DCAF8L2: variants seen among roughly 807,000 people sequenced by gnomAD.
DCAF8L2 encodes DDB1- and CUL4-associated factor 8-like protein 2.
For missense variants in DCAF8L2, 430 were observed against 490.7 expected (o/e 0.88, Z 1.17); for synonymous variants, 200 against 190.9 (o/e 1.05, Z -0.39).
At chrX:27,504,426 A>G in the DCAF8L2 span, among the ~76,000 whole-genome samples, 1 of 111,834 alleles carries the variant, frequency 8.9e-6, no homozygotes, top group Non-Finnish European at 1.9e-5. Context: ...GTTATTCATG[A>G]ATATGCCTGA....
chrX:27,546,116 A>T, the DCAF8L2 span, among the ~76,000 whole-genome samples: 5 of 112,251 alleles, frequency 4.5e-5, no homozygotes, highest in African/African-American at 1.3e-4. Flanking sequence ...ATGTGGATGC[A>T]GGCATTCTGG....
chrX:27,506,646 G>C, the DCAF8L2 span, among the ~76,000 whole-genome samples: 1 of 110,590 alleles, frequency 9.0e-6, no homozygotes, highest in East Asian at 2.8e-4. Context: ...TCTGTCTTCA[G>C]TTGGCATTCT....
chrX:27,492,940 A>G, the DCAF8L2 span, among the ~76,000 whole-genome samples: 4 of 112,199 alleles, frequency 3.6e-5, no homozygotes, highest in African/African-American at 9.7e-5. Context: ...TTAGTCTAAA[A>G]TAACATTTAG....
rs193037360 is a variant in DCAF8L2, at chrX:27,657,091, G to A, written c.-219-20745G>A. On this transcript the variant is annotated intron_variant, in intron 2 of 4. Coordinates refer to ENST00000451261, the MANE Select transcript of DCAF8L2 (RefSeq NM_001353450.2). Reference sequence around the variant, plus strand: ...AAAAGAGAGAGTTCTTCAGTTTTGGGACTCAGACTGGCTCTCCTTGCTCCT... The same window carrying A: ...AAAAGAGAGAGTTCTTCAGTTTTGGAACTCAGACTGGCTCTCCTTGCTCCT... Among the ~76,000 whole-genome samples the A allele has an allele frequency of 2.7e-5, 3 of 110,875 alleles. No homozygotes were observed. The Admixed American group carries it at 2.9e-4, about 11-fold the overall frequency.
chrX:27,678,824 A>G (rs1005427526), intron 3 of DCAF8L2, among the ~76,000 whole-genome samples: 1 of 111,898 alleles, frequency 8.9e-6, no homozygotes, highest in Non-Finnish European at 1.9e-5. Context: ...AAGTGGTTAA[A>G]ATGGTAAATT....
chrX:27,714,615 A>G (rs1931634685), intron 3 of DCAF8L2, among the ~76,000 whole-genome samples: 1 of 112,201 alleles, frequency 8.9e-6, no homozygotes, highest in African/African-American at 3.2e-5. Flanking sequence ...GATTACTTCT[A>G]TGGCAGCCAA....
At chrX:27,525,820 A>C in the DCAF8L2 span, among the ~76,000 whole-genome samples, 435 of 111,912 alleles carry the variant, frequency 3.9e-3, 1 homozygote, top group Non-Finnish European at 5.7e-3. Context: ...TTCTGGGTTG[A>C]AAATTCTTTT....
At chrX:27,589,588 G>T (rs1220658122), upstream of DCAF8L2, among the ~76,000 whole-genome samples, 1 of 111,745 alleles carries the variant, frequency 8.9e-6, no homozygotes, top group East Asian at 2.8e-4. Flanking sequence ...CAAACAGAAA[G>T]AAATTATCAA....
intron 1 of DCAF8L2, among the ~76,000 whole-genome samples, chrX:27,595,263 TTCTG>T (rs755039282): frequency 7.1e-5 from 8 of 111,896 alleles, no homozygotes; most frequent in Admixed American, 9.5e-5. Context: ...GCTAGATTCT[TTCTG>T]TCTATTTTTT....
chrX:27,497,992 G>A, the DCAF8L2 span, among the ~76,000 whole-genome samples: 1 of 112,389 alleles, frequency 8.9e-6, no homozygotes, highest in Non-Finnish European at 1.9e-5. Flanking sequence ...GCATATGTCA[G>A]AATTTATTTC....
At chrX:27,477,509 G>T in the DCAF8L2 span, among the ~76,000 whole-genome samples, 1 of 111,116 alleles carries the variant, frequency 9.0e-6, no homozygotes, top group African/African-American at 3.3e-5. Flanking sequence ...GGATGGTCTC[G>T]ATCTCCTGAC....
chrX:27,715,445 G>T (rs1931668772), intron 3 of DCAF8L2, among the ~76,000 whole-genome samples: 1 of 109,094 alleles, frequency 9.2e-6, no homozygotes, highest in South Asian at 3.9e-4. Context: ...ACTAATAAAC[G>T]TCATGACACT....
the DCAF8L2 span, among the ~76,000 whole-genome samples, chrX:27,556,442 C>A: frequency 9.0e-6 from 1 of 111,683 alleles, no homozygotes; most frequent in Non-Finnish European, 1.9e-5. Flanking sequence ...ACTTTGCAAA[C>A]TTACTATCTG....
At chrX:27,497,509 T>TCTTTCC in the DCAF8L2 span, among the ~76,000 whole-genome samples, 1 of 46,528 alleles carries the variant, frequency 2.1e-5, no homozygotes, top group South Asian at 1.4e-3. Context: ...TCTTTCTTTC[T>TCTTTCC]TTCCTTCCTT....
chrX:27,528,112 A>C, the DCAF8L2 span, among the ~76,000 whole-genome samples: 1 of 98,788 alleles, frequency 1.0e-5, no homozygotes, highest in Non-Finnish European at 2.1e-5. Flanking sequence ...ATTTAATTTA[A>C]TTAATTATTA....
the DCAF8L2 span, among the ~76,000 whole-genome samples, chrX:27,537,746 C>T: frequency 9.0e-6 from 1 of 111,653 alleles, no homozygotes; most frequent in Admixed American, 9.5e-5. Context: ...AGAATTTTTT[C>T]TGCATATTAA....
At chrX:27,694,368 A>T (rs553632501) in intron 3 of DCAF8L2, among the ~76,000 whole-genome samples, 2 of 111,851 alleles carry the variant, frequency 1.8e-5, no homozygotes, top group African/African-American at 6.5e-5. Flanking sequence ...AATGGAAATT[A>T]TTTTTTAAAA....
intron 4 of DCAF8L2, among the ~76,000 whole-genome samples, chrX:27,729,163 C>T (rs1278487271): frequency 9.0e-6 from 1 of 111,679 alleles, no homozygotes; most frequent in African/African-American, 3.3e-5. Context: ...CTATAAGACA[C>T]TTCATGTTTA....
the DCAF8L2 span, among the ~76,000 whole-genome samples, chrX:27,560,635 C>G: frequency 8.9e-6 from 1 of 112,166 alleles, no homozygotes; most frequent in Non-Finnish European, 1.9e-5. Flanking sequence ...TGGGTTTACT[C>G]AGTCAGATTT....
Sources: gnomAD v4.1 joint callset for allele counts (sites outside exome capture counted in the v4.1 genomes callset) on GRCh38, gnomAD v4.1.1 for gene constraint, MANE v1.5 for transcripts, NCBI Gene and HGNC (gene_info 2026-07-23, HGNC 2026-07-21) for gene names.